The following CACNA2D3 variants were observed in gnomAD, a reference collection of about 807,000 sequenced individuals.
CACNA2D3 encodes the protein voltage-dependent calcium channel subunit alpha-2/delta-3.
A neutral mutation model predicts 160.6 loss-of-function variants in CACNA2D3; 60 were observed. The ratio of observed to expected loss-of-function variants is 0.37; its 90% CI spans 0.30 to 0.46. The LOEUF (loss-of-function observed/expected upper bound fraction) is 0.46. Ranked by LOEUF, CACNA2D3 falls within the 20% of genes least tolerant of loss-of-function variation. CACNA2D3 has a pLI of 1.00. For missense variants in CACNA2D3, 1,205 were observed against 1,365.0 expected, an observed-to-expected ratio of 0.88 and a Z score of 1.85; for synonymous variants, 558 against 492.9, an observed-to-expected ratio of 1.13 and a Z score of -1.75.
chr3:55,061,074 T>TA (rs1170446914), intron 35 of CACNA2D3, among the ~76,000 whole-genome samples: 2 of 152,222 alleles, frequency 1.3e-5, no homozygotes, highest in Non-Finnish European at 2.9e-5. Flanking sequence ...TCATGGCTCT[T>TA]ACTGATGCAT....
intron 11 of CACNA2D3, among the ~76,000 whole-genome samples, chr3:54,649,990 T>A (rs563349610): frequency 1.3e-5 from 2 of 151,982 alleles, no homozygotes; most frequent in Admixed American, 1.3e-4. Flanking sequence ...ACTGCCTAGG[T>A]GTGCAGGTGG....
chr3:54,601,896 C>T (rs1048873843), intron 9 of CACNA2D3, among the ~76,000 whole-genome samples: 13 of 151,916 alleles, frequency 8.6e-5, no homozygotes, highest in Admixed American at 2.6e-4. Context: ...ATAGCTAGCA[C>T]ATCAAACTAA....
chr3:54,618,240 C>G (rs1230636214), intron 9 of CACNA2D3, among the ~76,000 whole-genome samples: 1 of 151,212 alleles, frequency 6.6e-6, no homozygotes, highest in Non-Finnish European at 1.5e-5. Flanking sequence ...ATATGCACTA[C>G]AATGTGAGTA....
chr3:55,071,887 G>A (rs1290107828), intron 35 of CACNA2D3, among the ~76,000 whole-genome samples: 1 of 152,106 alleles, frequency 6.6e-6, no homozygotes, highest in African/African-American at 2.4e-5. Context: ...TTTTGTACTT[G>A]TCTTTGAGAC....
intron 11 of CACNA2D3, among the ~76,000 whole-genome samples, chr3:54,699,943 A>G (rs1700736559): frequency 6.6e-6 from 1 of 152,148 alleles, no homozygotes; most frequent in Admixed American, 6.5e-5. Context: ...CATATTAACC[A>G]TGAGGTTAAA....
At chr3:54,549,676 C>A (rs563674045) in intron 5 of CACNA2D3, among the ~76,000 whole-genome samples, 2 of 152,220 alleles carry the variant, frequency 1.3e-5, no homozygotes, top group Non-Finnish European at 2.9e-5. Flanking sequence ...GTCCAGTCTG[C>A]GGCTTCTATG....
intron 2 of CACNA2D3, among the ~76,000 whole-genome samples, chr3:54,269,033 G>C (rs1702568840): frequency 6.6e-6 from 1 of 152,186 alleles, no homozygotes; most frequent in Admixed American, 6.5e-5. Context: ...GATGTGGAGA[G>C]AAGAGTTCCT....
chr3:54,443,803 C>A (rs537331354), intron 4 of CACNA2D3, among the ~76,000 whole-genome samples: 1 of 152,308 alleles, frequency 6.6e-6, no homozygotes, highest in Non-Finnish European at 1.5e-5. Context: ...CGGTTTCTTC[C>A]TTTGATTTGA....
At chr3:55,011,950 A>G (rs1703219940) in intron 34 of CACNA2D3, among the ~76,000 whole-genome samples, 1 of 152,172 alleles carries the variant, frequency 6.6e-6, no homozygotes, top group Non-Finnish European at 1.5e-5. Flanking sequence ...AAAAAATAAA[A>G]TCAATAGAGC....
chr3:54,840,544 G>T (rs2106763398), intron 16 of CACNA2D3, among the ~76,000 whole-genome samples: 1 of 150,640 alleles, frequency 6.6e-6, no homozygotes, highest in East Asian at 2.0e-4. Context: ...CTAAGTAGCT[G>T]GGATTACAGG....
chr3:54,524,298 T>G (rs1701691221), intron 5 of CACNA2D3, among the ~76,000 whole-genome samples: 1 of 152,158 alleles, frequency 6.6e-6, no homozygotes, highest in Admixed American at 6.6e-5. Flanking sequence ...TTTCACATAG[T>G]TGTGAATTCC....
At chr3:54,568,499 T>C (rs567860009) in intron 6 of CACNA2D3, among the ~76,000 whole-genome samples, 1 of 152,342 alleles carries the variant, frequency 6.6e-6, no homozygotes, top group Non-Finnish European at 1.5e-5. Flanking sequence ...GAATTATAAA[T>C]TGGAGCATTG....
chr3:54,787,654 C>T (rs182178316), intron 13 of CACNA2D3, among the ~76,000 whole-genome samples: 1 of 152,204 alleles, frequency 6.6e-6, no homozygotes, highest in East Asian at 1.9e-4. Flanking sequence ...GGAGAAGTGA[C>T]AAGACAAAGG....
At chr3:54,246,004 G>A (rs986645452) in intron 2 of CACNA2D3, among the ~76,000 whole-genome samples, 2 of 152,194 alleles carry the variant, frequency 1.3e-5, no homozygotes, top group Admixed American at 6.5e-5. Context: ...TTGAGAGCAT[G>A]TAGCTATTAC....
intron 27 of CACNA2D3, among the ~76,000 whole-genome samples, chr3:54,903,774 A>C (rs1700392438): frequency 6.6e-6 from 1 of 152,096 alleles, no homozygotes; most frequent in Non-Finnish European, 1.5e-5. Context: ...ATGATATCTC[A>C]TTGTGGTTTT....
intron 2 of CACNA2D3, among the ~76,000 whole-genome samples, chr3:54,204,796 G>GA (rs57129457): frequency 0.035 from 2,610 of 73,562 alleles, 57 homozygotes; most frequent in Middle Eastern, 0.05. Flanking sequence ...ATGCTGTCTT[G>GA]AAAAAAAAAA....
intron 4 of CACNA2D3, among the ~76,000 whole-genome samples, chr3:54,439,980 G>A (rs1335530189): frequency 1.3e-5 from 2 of 152,110 alleles, no homozygotes; most frequent in African/African-American, 4.8e-5. Context: ...CCTGCTTGTG[G>A]TCAGGTGTTA....
intron 35 of CACNA2D3, among the ~76,000 whole-genome samples, chr3:55,056,412 T>A (rs358060): frequency 6.6e-6 from 1 of 151,870 alleles, no homozygotes. Context: ...CCTTAAAAAC[T>A]AAAAATAGAA....
At chr3:54,770,978 A>G (rs1291711845) in intron 13 of CACNA2D3, among the ~76,000 whole-genome samples, 3 of 152,186 alleles carry the variant, frequency 2.0e-5, no homozygotes, top group African/African-American at 7.2e-5. Context: ...TCTTCCTTGC[A>G]TTCAGAGAAA....
Sources: gnomAD v4.1 joint callset for allele counts (sites outside exome capture counted in the v4.1 genomes callset) on GRCh38, gnomAD v4.1.1 for gene constraint, MANE v1.5 for transcripts, NCBI Gene and HGNC (gene_info 2026-07-23, HGNC 2026-07-21) for gene names.